Variants in EFCAB11 observed in about 807,000 individuals in gnomAD.
EFCAB11 encodes EF-hand calcium-binding domain-containing protein 11.
Under a neutral mutation model 23.0 loss-of-function variants are expected in EFCAB11, and 14 were observed. That is an observed-to-expected ratio of 0.61 (90% CI 0.40 to 0.95). The LOEUF (loss-of-function observed/expected upper bound fraction) is 0.95. Ranked by LOEUF, EFCAB11 falls within the 40% of genes least tolerant of loss-of-function variation. EFCAB11 has a pLI of 0.00. For missense variants in EFCAB11, 198 were observed against 195.8 expected (o/e 1.01, Z -0.07); for synonymous variants, 65 against 66.6 (o/e 0.98, Z 0.11).
chr14:89,800,187 G>A (rs372447991), intron 5 of EFCAB11, among the ~76,000 whole-genome samples: 4 of 98,564 alleles, frequency 4.1e-5, no homozygotes, highest in Non-Finnish European at 6.2e-5. Flanking sequence ...ACTCAATCTC[G>A]TAAACAAACA....
chr14:89,849,747 C>G (rs2096577849), intron 5 of EFCAB11, among the ~76,000 whole-genome samples: 1 of 150,682 alleles, frequency 6.6e-6, no homozygotes, highest in African/African-American at 2.4e-5. Context: ...TAATGGAAAA[C>G]AGGTCATATT....
chr14:89,834,375 CAAAAA>C (rs5810476), intron 5 of EFCAB11, among the ~76,000 whole-genome samples: 4 of 32,446 alleles, frequency 1.2e-4, no homozygotes, highest in African/African-American at 3.5e-4. Context: ...GACTCCGTCT[CAAAAA>C]AAAAAAAAAA....
intron 5 of EFCAB11, among the ~76,000 whole-genome samples, chr14:89,849,918 C>A (rs1396628802): frequency 6.6e-6 from 1 of 152,166 alleles, no homozygotes; most frequent in Non-Finnish European, 1.5e-5. Flanking sequence ...ATTCTACCAC[C>A]TTGAGAACTC....
At chr14:89,914,394 G>A (rs931038596) in intron 5 of EFCAB11, among the ~76,000 whole-genome samples, 1 of 152,178 alleles carries the variant, frequency 6.6e-6, no homozygotes, top group Non-Finnish European at 1.5e-5. Context: ...GTTATCTCAG[G>A]TGATGTTTAC....
At chr14:89,804,423 G>A (rs917136312) in intron 5 of EFCAB11, among the ~76,000 whole-genome samples, 14 of 152,176 alleles carry the variant, frequency 9.2e-5, no homozygotes, top group Admixed American at 7.9e-4. Context: ...CAAGCTTTAC[G>A]TAGACAACTC....
At chr14:89,804,629 T>C (rs971196236) in intron 5 of EFCAB11, among the ~76,000 whole-genome samples, 2 of 152,192 alleles carry the variant, frequency 1.3e-5, no homozygotes, top group African/African-American at 4.8e-5. Context: ...TTTTGAGAGA[T>C]GAAACTTCAC....
At chr14:89,944,896 TAA>T (rs1890914442) in intron 3 of EFCAB11, among the ~76,000 whole-genome samples, 1 of 144,766 alleles carries the variant, frequency 6.9e-6, no homozygotes, top group Non-Finnish European at 1.5e-5. Flanking sequence ...TTAGATCTAA[TAA>T]TAAATCTAAT....
intron 5 of EFCAB11, chr14:89,848,577 T>C (rs548708679): frequency 5.3e-5 from 8 of 152,302 alleles, no homozygotes; most frequent in Admixed American, 4.6e-4. Context: ...TTGAAAGCCA[T>C]TTGCCAAAAC....
At chr14:89,798,977 T>C (rs901675089) in intron 5 of EFCAB11, among the ~76,000 whole-genome samples, 2 of 152,138 alleles carry the variant, frequency 1.3e-5, no homozygotes, top group South Asian at 2.1e-4. Flanking sequence ...TTGGTAAAGA[T>C]GGGGTTTCAC....
intron 5 of EFCAB11, among the ~76,000 whole-genome samples, chr14:89,903,056 A>G (rs1263387440): frequency 1.3e-5 from 2 of 152,240 alleles, no homozygotes; most frequent in Non-Finnish European, 2.9e-5. Flanking sequence ...CATTAGGAGG[A>G]AACAGCCCCA....
At chr14:89,927,785 G>A (rs139161837) in intron 5 of EFCAB11, among the ~76,000 whole-genome samples, 11,968 of 151,606 alleles carry the variant, frequency 0.079, 719 homozygotes, top group South Asian at 0.21. Flanking sequence ...GCAGTGGCAC[G>A]ATCTCGGCTC....
Position 89,954,609 on chromosome 14 carries a change from AGGGACT to A in EFCAB11, c.46_51del (p.Pro17_Ser18del). Reference sequence around the variant, plus strand: ...ACTTCCACCCACTTCCTGTGTTCCGAGGGACTGGCTTCCCACGTCCGCGACCTGGCT... The same window carrying A: ...ACTTCCACCCACTTCCTGTGTTCCGAGGCTTCCCACGTCCGCGACCTGGCT... On this transcript the variant is annotated inframe_deletion, in exon 1 of 6. Transcript: ENST00000316738. 6.2e-7 allele frequency: 1 copy of A among 1,613,806 alleles called. No individual in the cohort carries two copies. Among genetic ancestry groups the A allele is most frequent in the Non-Finnish European group, 8.5e-7 (1 of 1,179,970 alleles).
At chr14:89,801,564 T>C (rs1210165945) in intron 5 of EFCAB11, among the ~76,000 whole-genome samples, 1 of 152,018 alleles carries the variant, frequency 6.6e-6, no homozygotes, top group East Asian at 1.9e-4. Flanking sequence ...CAATACTCTA[T>C]GGACTTCAAA....
At chr14:89,935,398 T>TG (rs1890544926) in intron 3 of EFCAB11, among the ~76,000 whole-genome samples, 1 of 17,396 alleles carries the variant, frequency 5.7e-5, no homozygotes, top group Non-Finnish European at 1.2e-4. Flanking sequence ...TGCATGTGGG[T>TG]TTTTTTTTTT....
rs777637638 is a variant in EFCAB11, at chr14:89,954,576, G to A, written c.75+10C>T. 189 of 1,613,288 alleles carry A rather than the reference G, an allele frequency of 1.2e-4. 5 individuals carry two copies. In the South Asian group the frequency reaches 2.0e-3, roughly 17 times the overall value. On this transcript the variant is annotated intron_variant, in intron 1 of 5. Transcript: ENST00000316738. ...GAAGTCCGAGGCTCAGTCGCCCTCC[G>A]GAAACCTACTTCCACCCACTTCCTG...
intron 5 of EFCAB11, among the ~76,000 whole-genome samples, chr14:89,839,330 T>C (rs953363622): frequency 6.6e-5 from 10 of 151,928 alleles, no homozygotes; most frequent in African/African-American, 2.4e-4. Flanking sequence ...GGAGGCTGAG[T>C]GAGAACAAAT....
At chr14:89,883,019 G>A (rs1304959040) in intron 5 of EFCAB11, among the ~76,000 whole-genome samples, 5 of 152,052 alleles carry the variant, frequency 3.3e-5, no homozygotes, top group Non-Finnish European at 5.9e-5. Flanking sequence ...TTCCTCTCTT[G>A]CCGTGTGATC....
At chr14:89,918,149 G>A (rs1057042965) in intron 5 of EFCAB11, among the ~76,000 whole-genome samples, 3 of 152,138 alleles carry the variant, frequency 2.0e-5, no homozygotes, top group Admixed American at 1.3e-4. Context: ...ATGGCTGATG[G>A]AGAAATGTCT....
At chr14:89,821,028 A>AT (rs1886499753) in intron 5 of EFCAB11, among the ~76,000 whole-genome samples, 1 of 151,972 alleles carries the variant, frequency 6.6e-6, no homozygotes, top group African/African-American at 2.4e-5. Flanking sequence ...TGCCTGGCTA[A>AT]TTTTTTATTT....
Sources: allele counts gnomAD v4.1 joint callset (sites outside exome capture counted in the v4.1 genomes callset), GRCh38; gene constraint gnomAD v4.1.1; transcripts MANE v1.5; gene names NCBI Gene and HGNC (gene_info 2026-07-23, HGNC 2026-07-21).